The following PIK3AP1 variants were observed in gnomAD, a reference collection of about 807,000 sequenced individuals.
The protein encoded by PIK3AP1 is phosphoinositide-3-kinase adaptor protein 1, also known as phosphoinositide 3-kinase adapter protein 1.
In PIK3AP1, 21 loss-of-function variants were observed where a neutral mutation model predicts 88.1. The ratio of observed to expected loss-of-function variants is 0.24; its 90% CI spans 0.17 to 0.34. PIK3AP1 has a LOEUF of 0.34. PIK3AP1 is among the 10% of genes least tolerant of loss of function. The pLI is 1.00. For synonymous variants in PIK3AP1, 398 were observed against 400.0 expected, an observed-to-expected ratio of 1.00 and a Z score of 0.06; for missense variants, 828 against 1,035.7, an observed-to-expected ratio of 0.80 and a Z score of 2.75.
intron 2 of PIK3AP1, among the ~76,000 whole-genome samples, chr10:96,693,809 TA>T (rs2134276448): frequency 6.6e-6 from 1 of 152,350 alleles, no homozygotes; most frequent in African/African-American, 2.4e-5. Context: ...GGGAACATAT[TA>T]ATATATGCAC....
chr10:96,672,120 G>A (rs1843855763), intron 2 of PIK3AP1, among the ~76,000 whole-genome samples: 1 of 152,218 alleles, frequency 6.6e-6, no homozygotes, highest in South Asian at 2.1e-4. Flanking sequence ...AAACGAAGAA[G>A]GAGGAATGAA....
chr10:96,692,255 T>C (rs978496494), intron 2 of PIK3AP1, among the ~76,000 whole-genome samples: 5 of 152,158 alleles, frequency 3.3e-5, no homozygotes, highest in African/African-American at 1.2e-4. Flanking sequence ...ATACAGCTGT[T>C]TTAAAAAATC....
chr10:96,706,748 C>T (rs1303900262), intron 2 of PIK3AP1, among the ~76,000 whole-genome samples: 5 of 152,154 alleles, frequency 3.3e-5, no homozygotes, highest in African/African-American at 1.2e-4. Flanking sequence ...CACTGCCAGA[C>T]TCTGAGTATC....
chr10:96,679,499 GC>G (rs1464824625), intron 2 of PIK3AP1, among the ~76,000 whole-genome samples: 5 of 151,786 alleles, frequency 3.3e-5, no homozygotes, highest in African/African-American at 4.8e-5. Flanking sequence ...CTGCACTCCA[GC>G]CTGGGCGACA....
At chr10:96,707,384 C>G (rs2134288904) in intron 2 of PIK3AP1, among the ~76,000 whole-genome samples, 1 of 152,318 alleles carries the variant, frequency 6.6e-6, no homozygotes. Flanking sequence ...CCTCCGCCTC[C>G]CGGGCTCAAG....
intron 2 of PIK3AP1, among the ~76,000 whole-genome samples, chr10:96,669,780 CA>C (rs944666251): frequency 3.5e-5 from 5 of 144,800 alleles, no homozygotes; most frequent in Admixed American, 2.1e-4. Context: ...AAAAAACAAA[CA>C]AAAAAAAAAC....
At chr10:96,628,918 A>ATATATATATATATT (rs1843199172) in intron 8 of PIK3AP1, among the ~76,000 whole-genome samples, 1 of 122,562 alleles carries the variant, frequency 8.2e-6, no homozygotes. Flanking sequence ...GTGTATATAT[A>ATATATATATATATT]TATATATATA....
intron 7 of PIK3AP1, among the ~76,000 whole-genome samples, chr10:96,648,226 C>A (rs1843487357): frequency 6.6e-6 from 1 of 152,166 alleles, no homozygotes; most frequent in South Asian, 2.1e-4. Flanking sequence ...GAGCATCCCA[C>A]CATGGTGCCC....
chr10:96,631,848 C>T (rs1843248605), intron 8 of PIK3AP1, among the ~76,000 whole-genome samples: 1 of 150,740 alleles, frequency 6.6e-6, no homozygotes, highest in Non-Finnish European at 1.5e-5. Context: ...AACACTACTA[C>T]ACTCCAGCCT....
intron 6 of PIK3AP1, among the ~76,000 whole-genome samples, chr10:96,649,976 C>A (rs1025043328): frequency 1.3e-5 from 2 of 152,174 alleles, no homozygotes; most frequent in African/African-American, 2.4e-5. Flanking sequence ...AGCCCAACAA[C>A]TTTATAGACA....
At chr10:96,715,758 C>T (rs953074382) in intron 1 of PIK3AP1, among the ~76,000 whole-genome samples, 2 of 151,836 alleles carry the variant, frequency 1.3e-5, no homozygotes, top group African/African-American at 2.4e-5. Flanking sequence ...GGAATTGTGG[C>T]GGGCACCTGT....
chr10:96,614,839 A>G (rs188177445), intron 13 of PIK3AP1, among the ~76,000 whole-genome samples: 1 of 152,328 alleles, frequency 6.6e-6, no homozygotes, highest in Non-Finnish European at 1.5e-5. Context: ...ACTGTTCTGC[A>G]CACTGGGGAC....
chr10:96,599,569 C>T (rs1003251465), intron 16 of PIK3AP1, among the ~76,000 whole-genome samples: 9 of 152,184 alleles, frequency 5.9e-5, no homozygotes, highest in South Asian at 4.1e-4. Flanking sequence ...GGTTAGAACA[C>T]GGGCAGAGAA....
At chr10:96,603,745 A>AC in intron 15 of PIK3AP1, 1 of 441,390 alleles carries the variant, frequency 2.3e-6, no homozygotes, top group Non-Finnish European at 4.1e-6. Flanking sequence ...CCTCTAGAGA[A>AC]CCCTAATACA....
intron 8 of PIK3AP1, among the ~76,000 whole-genome samples, chr10:96,632,057 C>T (rs1162826542): frequency 6.6e-6 from 1 of 151,982 alleles, no homozygotes; most frequent in Non-Finnish European, 1.5e-5. Flanking sequence ...ATCAGACAAA[C>T]TCAAACTGAA....
At chr10:96,612,198 C>G (rs1849123151) in intron 13 of PIK3AP1, among the ~76,000 whole-genome samples, 1 of 152,146 alleles carries the variant, frequency 6.6e-6, no homozygotes, top group African/African-American at 2.4e-5. Context: ...TCCTCTACGT[C>G]CTGCTCCACA....
chr10:96,698,823 A>C (rs753845598), intron 2 of PIK3AP1, among the ~76,000 whole-genome samples: 1 of 152,202 alleles, frequency 6.6e-6, no homozygotes, highest in Non-Finnish European at 1.5e-5. Context: ...ATACCTTTGA[A>C]ATGACTGAAT....
At position 96,609,688 on chromosome 10, in the gene PIK3AP1, AC is replaced by A. The variant is rs761138620; in HGVS notation, c.2170+23del. The A allele has an allele frequency of 1.9e-6, 3 of 1,606,124 alleles. No individual in the cohort carries two copies. In the African/African-American group the frequency reaches 4.0e-5, roughly 22 times the overall value. ...GCTGGAGCCCAGTCAAGAAGACCCC[AC>A]CCCCGCACCCCCAGCTGCTCACTTG... is the stretch of plus-strand genomic sequence containing the variant. On this transcript the variant is annotated intron_variant, in intron 14 of 16. Transcript: ENST00000339364.
At chr10:96,611,959 A>G (rs1849117506) in intron 13 of PIK3AP1, among the ~76,000 whole-genome samples, 1 of 152,218 alleles carries the variant, frequency 6.6e-6, no homozygotes, top group Non-Finnish European at 1.5e-5. Context: ...ATAAAGGTAC[A>G]ATGCTAGGAA....
Sources: gnomAD v4.1 joint callset for allele counts (sites outside exome capture counted in the v4.1 genomes callset) on GRCh38, gnomAD v4.1.1 for gene constraint, MANE v1.5 for transcripts, NCBI Gene and HGNC (gene_info 2026-07-23, HGNC 2026-07-21) for gene names.